The following NECTIN1 variants were observed in gnomAD, a reference collection of about 807,000 sequenced individuals.
NECTIN1 encodes nectin-1.
In NECTIN1, 23 loss-of-function variants were observed where a neutral mutation model predicts 48.0. The observed-to-expected ratio is 0.48, with a 90% CI of 0.34 to 0.68. The LOEUF is 0.68. Ranked by LOEUF, NECTIN1 falls within the 30% of genes least tolerant of loss-of-function variation. The probability of loss-of-function intolerance (pLI) is 0.01; values close to 1 mark genes in which losing one functional copy is unlikely to be tolerated. For synonymous variants in NECTIN1, 270 were observed against 288.9 expected, an observed-to-expected ratio of 0.93 and a Z score of 0.66; for missense variants, 591 against 709.9, an observed-to-expected ratio of 0.83 and a Z score of 1.90.
intron 5 of NECTIN1, among the ~76,000 whole-genome samples, 195 bp downstream of exon 5, chr11:119,674,964 C>T (rs1864922478): frequency 6.6e-6 from 1 of 152,198 alleles, no homozygotes; most frequent in South Asian, 2.1e-4. Flanking sequence ...GGGGGTCACC[C>T]TGACTGTCTC....
chr11:119,688,601 C>G (rs1591466998), intron 1 of NECTIN1, among the ~76,000 whole-genome samples: 1 of 152,154 alleles, frequency 6.6e-6, no homozygotes, highest in African/African-American at 2.4e-5. Flanking sequence ...CGGGTAAGAC[C>G]ACTGGCCTAG....
chr11:119,658,567 G>A (rs887027073), downstream of NECTIN1, among the ~76,000 whole-genome samples: 1 of 152,092 alleles, frequency 6.6e-6, no homozygotes, highest in Non-Finnish European at 1.5e-5. Flanking sequence ...CATTCAGAGG[G>A]CTTTCCTCCT....
chr11:119,650,722 CT>C (rs1864478732), intron 5 of NECTIN1, among the ~76,000 whole-genome samples: 1 of 152,144 alleles, frequency 6.6e-6, no homozygotes, highest in Non-Finnish European at 1.5e-5. Flanking sequence ...AACTGCGGGA[CT>C]TTGGGAAACT....
At chr11:119,641,729 CT>C (rs530680258) in intron 5 of NECTIN1, 320 of 145,390 alleles carry the variant, frequency 2.2e-3, no homozygotes, top group Non-Finnish European at 2.5e-3. Flanking sequence ...TTTTCTTTTT[CT>C]TTTTTTTTTT....
intron 1 of NECTIN1, among the ~76,000 whole-genome samples, chr11:119,726,163 G>A (rs532931425): frequency 6.6e-6 from 1 of 152,300 alleles, no homozygotes; most frequent in East Asian, 1.9e-4. Flanking sequence ...CAGGTTCCCT[G>A]TCACAGCCCA....
rs777072845 is a variant in NECTIN1 at position 119,675,319 on chromosome 11, A to C, written c.852-9T>G. On this transcript the variant is annotated splice_polypyrimidine_tract_variant and intron_variant, in intron 4 of 5. Transcript: ENST00000264025. ...GGAGAGAGCCATTTAGCCTGTGGGA[A>C]GTGGGAGACACAGCGTAGGGTTATG... 9.3e-6 allele frequency: 15 copies of C among 1,614,012 alleles called. No homozygotes were observed. Among genetic ancestry groups the C allele is most frequent in the Non-Finnish European group, 1.2e-5 (14 of 1,180,030 alleles).
At chr11:119,645,401 T>C (rs1864384319) in intron 5 of NECTIN1, among the ~76,000 whole-genome samples, 3 of 152,154 alleles carry the variant, frequency 2.0e-5, no homozygotes, top group Admixed American at 6.5e-5. Context: ...CTGAATGTCA[T>C]TGTTACGTTG....
At chr11:119,652,394 C>A (rs1458734383) in intron 5 of NECTIN1, among the ~76,000 whole-genome samples, 1 of 152,070 alleles carries the variant, frequency 6.6e-6, no homozygotes, top group Non-Finnish European at 1.5e-5. Context: ...CCTGTCCCAG[C>A]CTCTCCAGTG....
intron 7 of NECTIN1, among the ~76,000 whole-genome samples, chr11:119,638,469 C>T (rs77140244): frequency 0.023 from 3,478 of 152,260 alleles, 158 homozygotes; most frequent in African/African-American, 0.078. Context: ...CTGAGAGGTG[C>T]TCAATGCATT....
intron 5 of NECTIN1, among the ~76,000 whole-genome samples, chr11:119,668,283 C>T (rs993477275): frequency 1.3e-5 from 2 of 152,188 alleles, no homozygotes. Context: ...GTGGTCGATT[C>T]CTAAATCTCC....
At chr11:119,641,073 TC>T (rs1312977419) in intron 5 of NECTIN1, 1 of 148,382 alleles carries the variant, frequency 6.7e-6, no homozygotes, top group African/African-American at 2.6e-5. Flanking sequence ...TCTGTCTCTC[TC>T]CCCTTCTCTC....
At chr11:119,671,907 C>G (rs1260947265) in intron 5 of NECTIN1, among the ~76,000 whole-genome samples, 1 of 152,260 alleles carries the variant, frequency 6.6e-6, no homozygotes, top group Non-Finnish European at 1.5e-5. Flanking sequence ...TGCCACGGCA[C>G]AGCCACGGGC....
In NECTIN1 at chr11:119,654,393, T is replaced by C. The variant is rs557150732; in HGVS notation, c.1004-14381A>G. 2.0e-5 allele frequency among the ~76,000 whole-genome samples: 3 copies of C among 152,240 alleles called. No homozygotes were observed. The South Asian group carries it at 6.2e-4, about 32-fold the overall frequency. On this transcript the variant is annotated intron_variant, in intron 5 of 7. Transcript: ENST00000341398. ...CTCCTAAGGTCAGATGGGTTGGCTGTGCCCACTGTGTAAGAGGGGGTAGGC... is the reference window on the plus strand; with the variant it reads ...CTCCTAAGGTCAGATGGGTTGGCTGCGCCCACTGTGTAAGAGGGGGTAGGC...
intron 5 of NECTIN1, among the ~76,000 whole-genome samples, chr11:119,669,262 A>C (rs531771144): frequency 1.4e-4 from 22 of 152,280 alleles, no homozygotes; most frequent in African/African-American, 4.8e-4. Context: ...AAATACAAAA[A>C]TTAGCCAGGT....
At position 119,654,624 on chromosome 11, in the gene NECTIN1, T is replaced by G. The variant is rs532621718; in HGVS notation, c.1004-14612A>C. 6.0e-5 allele frequency among the ~76,000 whole-genome samples: 9 copies of G among 151,078 alleles called. No homozygotes were observed. In the East Asian group the frequency reaches 1.4e-3, roughly 23 times the overall value. ...TCTCGCTCAGTCGCCCATGCTGGAG[T>G]GCAGTGGCACAATCTCAGATCGCTG... On this transcript the variant is annotated intron_variant, in intron 5 of 7. Transcript: ENST00000341398.
rs535638420 is a variant in NECTIN1, at chr11:119,711,256, G to C, written c.79+17219C>G. Among the ~76,000 whole-genome samples, 72 of 152,168 alleles carry C rather than the reference G, an allele frequency of 4.7e-4. 1 individual carries two copies. The South Asian group carries it at 7.9e-3, about 17-fold the overall frequency. On this transcript the variant is annotated intron_variant, in intron 1 of 5. Transcript: ENST00000264025. ...AATACAAAAATTAGCCAGGCGTGGT[G>C]GTGGGTGCCTGTAATCCCAGCTACT...
intron 7 of NECTIN1, among the ~76,000 whole-genome samples, chr11:119,638,574 C>T (rs1216367569): frequency 1.3e-5 from 2 of 152,124 alleles, no homozygotes; most frequent in Non-Finnish European, 2.9e-5. Flanking sequence ...TAGGGTGAGG[C>T]AGATGGATCC....
intron 4 of NECTIN1, among the ~76,000 whole-genome samples, chr11:119,676,615 C>T (rs937929973): frequency 1.1e-4 from 17 of 152,196 alleles, no homozygotes; most frequent in African/African-American, 1.7e-4. Flanking sequence ...GATGGTGGGC[C>T]GCAGGGCACG....
chr11:119,657,762 A>ATAC (rs1864598293), downstream of NECTIN1, among the ~76,000 whole-genome samples: 1 of 145,268 alleles, frequency 6.9e-6, no homozygotes, highest in East Asian at 2.0e-4. Context: ...AATAATAATA[A>ATAC]TAATAATAAT....
Sources: allele counts gnomAD v4.1 joint callset (sites outside exome capture counted in the v4.1 genomes callset), GRCh38; gene constraint gnomAD v4.1.1; transcripts MANE v1.5; gene names NCBI Gene and HGNC (gene_info 2026-07-23, HGNC 2026-07-21).